Variants in RFX2 observed in about 807,000 individuals in gnomAD.
The protein encoded by RFX2 is DNA-binding protein RFX2.
In RFX2, 20 loss-of-function variants were observed where a neutral mutation model predicts 87.8. The ratio of observed to expected loss-of-function variants is 0.23; its 90% confidence interval spans 0.16 to 0.33. The LOEUF (loss-of-function observed/expected upper bound fraction) is 0.33. Ranked by LOEUF, RFX2 falls within the 10% of genes least tolerant of loss-of-function variation. The pLI, the probability that RFX2 is intolerant of heterozygous loss-of-function variation, is 1.00. For synonymous variants in RFX2, 397 were observed against 431.3 expected (o/e 0.92, Z 0.98); for missense variants, 767 against 1,012.3 (o/e 0.76, Z 3.29).
At position 6,002,855 on chromosome 19, in the gene RFX2, C is replaced by T. The variant is rs1416550123; in HGVS notation, c.1516G>A (p.Ala506Thr). The part of the protein sequence containing the change: ...VIQTKVGVVS[A>T]FAQTLRRYTS... The stretch of plus-strand genomic sequence containing the variant: ...TAGCGCCGCAGCGTCTGGGCGAAGG[C>T]ACTGACGACGCCCACCTGTAAGCCA... Residue 506 changes from alanine (A) to threonine (T), a missense_variant, in exon 14 of 18, where the codon GCC (alanine) becomes ACC (threonine). Physicochemically the swap from Ala to Thr is moderately conservative, Grantham distance 58 (BLOSUM62 0). Transcript: ENST00000303657. The surrounding 1 kb of genome is among the most constrained non-coding windows in gnomAD (Gnocchi z 6.7). 3 of 1,608,868 alleles carry T rather than the reference C, an allele frequency of 1.9e-6. No individual in the cohort carries two copies. The highest frequency in any genetic ancestry group is 1.7e-5 in the Admixed American group (1 of 59,304).
At position 6,023,094 on chromosome 19, in the gene RFX2, A is replaced by T. The variant is rs2086840492; in HGVS notation, c.597+3069T>A. On this transcript the variant is annotated intron_variant, in intron 6 of 17. Coordinates refer to ENST00000303657, the MANE Select transcript of RFX2 (RefSeq NM_000635.4). This position sits in a 1 kb window ranked among gnomAD's most constrained non-coding sequence, Gnocchi z 4.9. ...TTTTTACTCCCTATGTTCGGCACTG[A>T]CCTGGCCAGAACCCTGCACACGGTA... The T allele has an allele frequency of 6.6e-6, 1 of 152,330 alleles. No individual in the cohort carries two copies. Among genetic ancestry groups the T allele is most frequent in the African/African-American group, 2.4e-5 (1 of 41,420 alleles). 9.4% of individuals were successfully genotyped at this position (152,330 alleles called of 1,614,324 possible).
intron 1 of RFX2, among the ~76,000 whole-genome samples, chr19:6,104,550 C>G (rs2088180187): frequency 6.9e-6 from 1 of 144,256 alleles, no homozygotes; most frequent in Non-Finnish European, 1.5e-5. Context: ...GCCTGGGCAA[C>G]AGAGTGAGAC....
At chr19:6,100,839 GAATT>G (rs71741773) in intron 1 of RFX2, among the ~76,000 whole-genome samples, 2,606 of 151,710 alleles carry the variant, frequency 0.017, 69 homozygotes, top group African/African-American at 0.059. Context: ...TGATTTAATT[GAATT>G]AATTAATTGA....
At chr19:6,080,811 G>A (rs2087770330) in intron 1 of RFX2, among the ~76,000 whole-genome samples, 2 of 152,128 alleles carry the variant, frequency 1.3e-5, no homozygotes, top group Admixed American at 1.3e-4. Context: ...GCTGAGGTGG[G>A]TGGATCATGA....
At chr19:6,073,255 C>T in intron 1 of RFX2, 2 of 706,084 alleles carry the variant, frequency 2.8e-6, no homozygotes, top group Admixed American at 1.9e-5. Context: ...GCTGGGATTA[C>T]AGACATGAGC....
In RFX2 at chr19:6,007,709, G is replaced by A; in HGVS notation, c.1228C>T (p.Pro410Ser). Residue 410 changes from proline to serine, a missense_variant, in exon 11 of 18, where the codon CCC becomes TCC. This residue lies in a region of RFX2 where 621 missense variants were observed against 873.0 expected (regional missense o/e 0.71). Coordinates refer to ENST00000303657, the MANE Select transcript of RFX2 (RefSeq NM_000635.4). This position sits in a 1 kb window ranked among gnomAD's most constrained non-coding sequence, Gnocchi z 8.2. The stretch of plus-strand genomic sequence containing the variant: ...AGTCACCTGGCAGGAAGAGAGGTGG[G>A]GCCGTCGCTGGAGGAGGCCTTAGAG... ...WNSKASSSDG[P>S]TSLPASDEDP... 6.4e-7 allele frequency: 1 copy of A among 1,553,448 alleles called. No homozygotes were observed. The highest frequency in any genetic ancestry group is 2.4e-5 in the East Asian group (1 of 41,244).
At chr19:6,103,729 T>C (rs2088164243) in intron 1 of RFX2, among the ~76,000 whole-genome samples, 1 of 152,218 alleles carries the variant, frequency 6.6e-6, no homozygotes, top group African/African-American at 2.4e-5. Flanking sequence ...CAGAGGGACA[T>C]ATTAGTACCC....
At chr19:6,015,361 G>A (rs939646602) in intron 7 of RFX2, among the ~76,000 whole-genome samples, 3 of 151,910 alleles carry the variant, frequency 2.0e-5, no homozygotes, top group Non-Finnish European at 4.4e-5. Flanking sequence ...CCCAGGAGGT[G>A]GAGGCTGCAG....
At chr19:6,075,441 CG>C (rs1288823213) in intron 1 of RFX2, among the ~76,000 whole-genome samples, 19 of 152,186 alleles carry the variant, frequency 1.2e-4, no homozygotes, top group Non-Finnish European at 2.4e-4. Context: ...TGGAAGCAAA[CG>C]TCAGGGCTGG....
At chr19:6,087,148 G>A (rs937953772) in intron 1 of RFX2, among the ~76,000 whole-genome samples, 1 of 152,074 alleles carries the variant, frequency 6.6e-6, no homozygotes, top group Non-Finnish European at 1.5e-5. Flanking sequence ...CAGGCAGATG[G>A]TCGCAGCGGG....
Position 6,010,662 on chromosome 19 carries a change from C to T in RFX2, c.900-411G>A, listed in dbSNP as rs771312618. ...TTTGCAACTGGTCTCTCTCACTGAG[C>T]GTTATGTCCTCAAGGTCCACCGAGT... is the stretch of plus-strand genomic sequence containing the variant. On this transcript the variant is annotated intron_variant, in intron 8 of 17. Coordinates refer to ENST00000303657, the MANE Select transcript of RFX2 (RefSeq NM_000635.4). The surrounding 1 kb of genome is among the most constrained non-coding windows in gnomAD (Gnocchi z 5.0). 1.3e-5 allele frequency among the ~76,000 whole-genome samples: 2 copies of T among 152,168 alleles called. No individual in the cohort carries two copies. Among genetic ancestry groups the T allele is most frequent in the Admixed American group, 6.5e-5 (1 of 15,272 alleles).
rs989625644 is a variant in RFX2 at position 6,004,877 on chromosome 19, G to A, written c.1403-579C>T. On this transcript the variant is annotated intron_variant, in intron 12 of 17. Coordinates refer to ENST00000303657, the MANE Select transcript of RFX2 (RefSeq NM_000635.4). The surrounding 1 kb of genome is among the most constrained non-coding windows in gnomAD (Gnocchi z 4.8). ...CTGACGCCTGTAGTCCCAGCACTTT[G>A]GGAGGCCGAGGTGGGCGGATCACCT... 6.6e-6 allele frequency among the ~76,000 whole-genome samples: 1 copy of A among 152,046 alleles called. No homozygotes were observed. The highest frequency in any genetic ancestry group is 2.4e-5 in the African/African-American group (1 of 41,386).
chr19:6,062,628 A>T (rs2144812325), intron 1 of RFX2, among the ~76,000 whole-genome samples: 1 of 152,342 alleles, frequency 6.6e-6, no homozygotes, highest in Non-Finnish European at 1.5e-5. Flanking sequence ...ACACAAGCTT[A>T]GCTTTTGCTT....
chr19:6,014,636 G>C (rs757053562), intron 7 of RFX2, among the ~76,000 whole-genome samples: 10 of 152,128 alleles, frequency 6.6e-5, no homozygotes, highest in Non-Finnish European at 1.5e-4. Flanking sequence ...AGGGAAAACG[G>C]GGGGAAATCA....
Position 6,001,969 on chromosome 19 carries a change from G to C in RFX2, c.1705C>G (p.Gln569Glu). 1 of 1,611,982 alleles carries C rather than the reference G, an allele frequency of 6.2e-7. No homozygotes were observed. The highest frequency in any genetic ancestry group is 8.5e-7 in the Non-Finnish European group (1 of 1,179,956). The change falls in exon 15 of 18, where the codon CAG becomes GAG. Residue 569 changes from glutamine to glutamate, a missense_variant. By Grantham distance (29) the Gln-to-Glu change is conservative. Around this residue, in one of 2 missense-constraint regions of RFX2, gnomAD observed 621 missense variants for 873.0 expected, o/e 0.71. Transcript: ENST00000303657. This position sits in a 1 kb window ranked among gnomAD's most constrained non-coding sequence, Gnocchi z 5.6. The stretch of plus-strand genomic sequence containing the variant: ...TGCTGCAGGGTCAGCTTGAAATCCT[G>C]CTCCAGCCGCTGCACCACACTCTCC... ...CEESVVQRLE[Q>E]DFKLTLQQQS...
chr19:6,085,894 C>T (rs1427081239), intron 1 of RFX2, among the ~76,000 whole-genome samples: 1 of 152,030 alleles, frequency 6.6e-6, no homozygotes, highest in Non-Finnish European at 1.5e-5. Flanking sequence ...GAGTTCAAGA[C>T]CAGCCTGGGC....
In RFX2 at chr19:6,016,365, G is replaced by C; in HGVS notation, c.598-94C>G. ...ATTAAGAGAATTACTTGCGTTCCCTGTGTTACCAAATGGGATGAGGAAATC... is the reference window on the plus strand; with the variant it reads ...ATTAAGAGAATTACTTGCGTTCCCTCTGTTACCAAATGGGATGAGGAAATC... On this transcript the variant is annotated intron_variant, in intron 6 of 17. Coordinates refer to ENST00000303657, the MANE Select transcript of RFX2 (RefSeq NM_000635.4). This position sits in a 1 kb window ranked among gnomAD's most constrained non-coding sequence, Gnocchi z 5.4. 1 of 816,900 alleles carries C rather than the reference G, an allele frequency of 1.2e-6. No individual in the cohort carries two copies. The highest frequency in any genetic ancestry group is 2.8e-5 in the East Asian group (1 of 35,658). The allele number at this position is 816,900 out of a possible 1,614,324, so 50.6% of individuals were successfully genotyped here. A position where few individuals can be genotyped will look rare whatever the true frequency, so the allele number is the denominator to read the frequency against.
chr19:6,031,867 G>A lies in RFX2; in HGVS notation c.523-5630C>T, dbSNP rs1039687365. 2.0e-5 allele frequency among the ~76,000 whole-genome samples: 3 copies of A among 152,152 alleles called. No individual in the cohort carries two copies. The South Asian group carries it at 6.2e-4, about 31-fold the overall frequency. ...GGGGTCTCTCTCTGCTGCCCAGGCT[G>A]GAGTGCAGTGGCATGATCATAGCTC... On this transcript the variant is annotated intron_variant, in intron 5 of 17. Transcript: ENST00000303657.
chr19:6,043,983 CA>C (rs1475739825), intron 3 of RFX2, among the ~76,000 whole-genome samples: 3 of 152,212 alleles, frequency 2.0e-5, no homozygotes. Context: ...AACGAAAGAT[CA>C]CCAGCTTTCT....
Sources: allele counts gnomAD v4.1 joint callset (sites outside exome capture counted in the v4.1 genomes callset), GRCh38; gene constraint gnomAD v4.1.1; regional missense constraint gnomAD v4.1.1; non-coding constraint Gnocchi (gnomAD v3.1); transcripts MANE v1.5; gene names NCBI Gene and HGNC (gene_info 2026-07-23, HGNC 2026-07-21).